DOK5: variants seen among roughly 807,000 people sequenced by gnomAD.
The protein encoded by DOK5 is downstream of tyrosine kinase 5.
Under a neutral mutation model 43.3 loss-of-function variants are expected in DOK5, and 27 were observed. The observed-to-expected ratio is 0.62, with a 90% CI of 0.46 to 0.86. The LOEUF is 0.86. DOK5 is among the 40% of genes least tolerant of loss of function. The pLI is 0.00. For missense variants in DOK5, 373 were observed against 392.9 expected (o/e 0.95, Z 0.43); for synonymous variants, 146 against 140.1 (o/e 1.04, Z -0.30).
At chr20:54,612,715 A>T (rs536604638) in intron 6 of DOK5, among the ~76,000 whole-genome samples, 49 of 152,242 alleles carry the variant, frequency 3.2e-4, no homozygotes, top group African/African-American at 1.2e-3. Context: ...TATATATCCT[A>T]TTTACTCTGT....
intron 4 of DOK5, 115 bp from the exon 5 acceptor site, chr20:54,591,501 G>A (rs1985971675): frequency 7.8e-6 from 6 of 769,740 alleles, no homozygotes; most frequent in Non-Finnish European, 1.2e-5. Context: ...TTCTGAATAT[G>A]CAACCGAAAT....
At chr20:54,526,281 C>T (rs1161827237) in intron 1 of DOK5, among the ~76,000 whole-genome samples, 1 of 151,816 alleles carries the variant, frequency 6.6e-6, no homozygotes, top group Non-Finnish European at 1.5e-5. Flanking sequence ...CACTTTCAGT[C>T]TGAGGGGTGT....
rs373101348 is a variant in DOK5 at position 54,551,627 on chromosome 20, G to A, written c.67-3306G>A. Among the ~76,000 whole-genome samples, 13 of 152,272 alleles carry A rather than the reference G, an allele frequency of 8.5e-5. No homozygotes were observed. The South Asian group carries it at 2.7e-3, about 32-fold the overall frequency. On this transcript the variant is annotated intron_variant, in intron 1 of 7. Coordinates refer to ENST00000262593, the MANE Select transcript of DOK5 (RefSeq NM_018431.5). ...GATTTTTCCACCCCCCTCCATGGATGTCCAATTGCCTCAGTACTGTACACT... is the reference window on the plus strand; with the variant it reads ...GATTTTTCCACCCCCCTCCATGGATATCCAATTGCCTCAGTACTGTACACT...
At chr20:54,581,290 T>C (rs1985629588) in intron 2 of DOK5, among the ~76,000 whole-genome samples, 1 of 151,998 alleles carries the variant, frequency 6.6e-6, no homozygotes, top group Non-Finnish European at 1.5e-5. Flanking sequence ...TTGTAGTATA[T>C]TTTGAAGCAA....
chr20:54,488,195 C>T (rs900953127), intron 1 of DOK5, among the ~76,000 whole-genome samples: 1 of 152,216 alleles, frequency 6.6e-6, no homozygotes, highest in South Asian at 2.1e-4. Context: ...GAAGTTATCA[C>T]GAACGTAGTC....
intron 1 of DOK5, among the ~76,000 whole-genome samples, chr20:54,514,556 C>T: frequency 6.9e-6 from 1 of 144,568 alleles, no homozygotes; most frequent in African/African-American, 2.6e-5. Flanking sequence ...GTAACTACAG[C>T]TTTACTAGCT....
At chr20:54,526,337 G>A (rs1290320232) in intron 1 of DOK5, among the ~76,000 whole-genome samples, 3 of 152,076 alleles carry the variant, frequency 2.0e-5, no homozygotes, top group Non-Finnish European at 4.4e-5. Context: ...CTGGGACGAC[G>A]ACGGCATGGC....
chr20:54,568,431 C>T (rs1985164166), intron 2 of DOK5, among the ~76,000 whole-genome samples: 1 of 152,152 alleles, frequency 6.6e-6, no homozygotes, highest in Non-Finnish European at 1.5e-5. Flanking sequence ...TGGGTTTTCT[C>T]AAGTTGGTGA....
At chr20:54,639,942 G>A (rs6123401) in intron 6 of DOK5, among the ~76,000 whole-genome samples, 48,224 of 151,990 alleles carry the variant, frequency 0.32, 8,680 homozygotes, top group African/African-American at 0.49. Flanking sequence ...TTACCCAGTG[G>A]TTCCAGTTCA....
chr20:54,591,692 G>T lies in DOK5; in HGVS notation c.486G>T (p.Glu162Asp). ...AATGTGCCTTGCAGATTACATATGAGTATATCTGTCTTTGGGACGTCCAGA... is the reference window on the plus strand; with the variant it reads ...AATGTGCCTTGCAGATTACATATGATTATATCTGTCTTTGGGACGTCCAGA... ...HGECALQITYEYICLWDVQNP... is the reference protein window; with the variant it reads ...HGECALQITYDYICLWDVQNP... The change falls in exon 5 of 8, where the codon GAG (glutamate) becomes GAT (aspartate). Residue 162 changes from glutamate to aspartate, a missense_variant. By Grantham distance (45) the Glu-to-Asp change is conservative. Coordinates refer to ENST00000262593, the MANE Select transcript of DOK5 (RefSeq NM_018431.5). 6.2e-7 allele frequency: 1 copy of T among 1,614,124 alleles called. No homozygotes were observed. The highest frequency in any genetic ancestry group is 8.5e-7 in the Non-Finnish European group (1 of 1,179,966).
intron 7 of DOK5, among the ~76,000 whole-genome samples, chr20:54,648,393 G>A (rs1979541005): frequency 6.6e-6 from 1 of 152,156 alleles, no homozygotes; most frequent in Non-Finnish European, 1.5e-5. Flanking sequence ...GGAAAAGAAA[G>A]TTTTTATGAT....
At chr20:54,540,813 C>T (rs1600689733) in intron 1 of DOK5, among the ~76,000 whole-genome samples, 3 of 152,110 alleles carry the variant, frequency 2.0e-5, no homozygotes, top group Non-Finnish European at 4.4e-5. Context: ...TGTGAGCCAC[C>T]GTGCCTGGCC....
intron 6 of DOK5, among the ~76,000 whole-genome samples, chr20:54,638,230 G>A (rs1052347883): frequency 3.9e-5 from 6 of 152,150 alleles, no homozygotes; most frequent in African/African-American, 1.4e-4. Flanking sequence ...GAGATATCTG[G>A]TAGAAGCACC....
At chr20:54,516,310 T>A (rs1353047905) in intron 1 of DOK5, among the ~76,000 whole-genome samples, 1 of 152,208 alleles carries the variant, frequency 6.6e-6, no homozygotes, top group East Asian at 1.9e-4. Context: ...TTATTCAAAT[T>A]GGGGTTCTAA....
At chr20:54,623,739 C>G (rs1987056161) in intron 6 of DOK5, among the ~76,000 whole-genome samples, 1 of 152,076 alleles carries the variant, frequency 6.6e-6, no homozygotes, top group Admixed American at 6.5e-5. Flanking sequence ...ACCACCATGC[C>G]TGGCTAATTT....
At chr20:54,522,038 T>G (rs2146697423) in intron 1 of DOK5, among the ~76,000 whole-genome samples, 1 of 152,326 alleles carries the variant, frequency 6.6e-6, no homozygotes, top group African/African-American at 2.4e-5. Flanking sequence ...AACTTAGCTC[T>G]ACAGAAACAA....
intron 1 of DOK5, among the ~76,000 whole-genome samples, chr20:54,547,659 A>C (rs902551040): frequency 6.6e-5 from 10 of 152,222 alleles, no homozygotes; most frequent in Non-Finnish European, 1.3e-4. Flanking sequence ...AAACAGAAGA[A>C]ATTATTCATG....
chr20:54,513,462 C>CAAAAAA (rs1011871917), intron 1 of DOK5, among the ~76,000 whole-genome samples: 1 of 24,616 alleles, frequency 4.1e-5, no homozygotes, highest in Non-Finnish European at 9.9e-5. Context: ...ATACTCTGAG[C>CAAAAAA]AAAAAAAAAA....
chr20:54,588,635 G>C (rs761459654), intron 3 of DOK5, 38 bp downstream of exon 3: 4 of 1,614,038 alleles, frequency 2.5e-6, no homozygotes, highest in Non-Finnish European at 3.4e-6. Context: ...TTTGCTTTTA[G>C]ATTCTGAATG....
Sources: allele counts gnomAD v4.1 joint callset (sites outside exome capture counted in the v4.1 genomes callset), GRCh38; gene constraint gnomAD v4.1.1; transcripts MANE v1.5; gene names NCBI Gene and HGNC (gene_info 2026-07-23, HGNC 2026-07-21).